Variants in TSPAN15 observed in about 807,000 individuals in gnomAD.
The protein encoded by TSPAN15 is tetraspanin-15.
Under a neutral mutation model 34.5 loss-of-function variants are expected in TSPAN15, and 20 were observed. The ratio of observed to expected loss-of-function variants is 0.58; its 90% CI spans 0.41 to 0.84. TSPAN15 has a LOEUF of 0.84. TSPAN15 is among the 40% of genes least tolerant of loss of function. The pLI, the probability that TSPAN15 is intolerant of heterozygous loss-of-function variation, is 0.00. For missense variants in TSPAN15, 313 were observed against 386.1 expected (o/e 0.81, Z 1.59); for synonymous variants, 155 against 153.9 (o/e 1.01, Z -0.05).
At chr10:69,472,456 G>A (rs1424462961) in intron 1 of TSPAN15, among the ~76,000 whole-genome samples, 1 of 152,132 alleles carries the variant, frequency 6.6e-6, no homozygotes, top group Non-Finnish European at 1.5e-5. Flanking sequence ...ACATGTGTTG[G>A]TGTGCTGGTA....
chr10:69,460,406 C>A (rs1227479926), intron 1 of TSPAN15, among the ~76,000 whole-genome samples: 2 of 152,168 alleles, frequency 1.3e-5, no homozygotes, highest in Non-Finnish European at 2.9e-5. Context: ...GGAAGAGACA[C>A]CGTAGAGACA....
chr10:69,545,851 G>T, the TSPAN15 span, among the ~76,000 whole-genome samples: 1 of 152,174 alleles, frequency 6.6e-6, no homozygotes, highest in Non-Finnish European at 1.5e-5. Flanking sequence ...AGCTACTCGG[G>T]AGGCTGAGGC....
At chr10:69,542,786 T>C in the TSPAN15 span, among the ~76,000 whole-genome samples, 1 of 152,202 alleles carries the variant, frequency 6.6e-6, no homozygotes, top group African/African-American at 2.4e-5. Flanking sequence ...GTCCCTCCTA[T>C]GTCATGTGAG....
At chr10:69,481,064 CA>C (rs1841724827) in intron 1 of TSPAN15, among the ~76,000 whole-genome samples, 1 of 152,074 alleles carries the variant, frequency 6.6e-6, no homozygotes, top group Non-Finnish European at 1.5e-5. Context: ...AGGCTGCCCC[CA>C]AACAGTGATT....
the TSPAN15 span, among the ~76,000 whole-genome samples, chr10:69,529,728 A>G: frequency 6.8e-6 from 1 of 147,242 alleles, no homozygotes; most frequent in African/African-American, 2.5e-5. Context: ...TTTGGGGAAC[A>G]GGTGGTTTTT....
the TSPAN15 span, among the ~76,000 whole-genome samples, chr10:69,543,848 T>A: frequency 9.9e-5 from 2 of 20,162 alleles, no homozygotes; most frequent in Admixed American, 4.6e-4. Flanking sequence ...AAGGGGAGTG[T>A]GTGTGTGTGT....
chr10:69,459,254 A>G (rs562336764), intron 1 of TSPAN15, among the ~76,000 whole-genome samples: 1 of 152,288 alleles, frequency 6.6e-6, no homozygotes, highest in East Asian at 1.9e-4. Context: ...TTGTTCATTA[A>G]GTCAACAAAT....
At chr10:69,457,420 C>A (rs1841137338) in intron 1 of TSPAN15, among the ~76,000 whole-genome samples, 1 of 152,192 alleles carries the variant, frequency 6.6e-6, no homozygotes, top group South Asian at 2.1e-4. Context: ...GTGCTACGGA[C>A]TCTCCACAGA....
intron 1 of TSPAN15, among the ~76,000 whole-genome samples, chr10:69,459,930 CA>C (rs1841209749): frequency 6.9e-6 from 1 of 144,082 alleles, no homozygotes; most frequent in African/African-American, 2.6e-5. Context: ...ACCCCCCCCC[CA>C]CGAATGGAGG....
chr10:69,465,685 TG>T (rs1841368294), intron 1 of TSPAN15, among the ~76,000 whole-genome samples: 1 of 152,038 alleles, frequency 6.6e-6, no homozygotes, highest in Non-Finnish European at 1.5e-5. Flanking sequence ...GAGCTAGAGG[TG>T]GGGTGTGAAG....
chr10:69,540,444 C>T, the TSPAN15 span, among the ~76,000 whole-genome samples: 3 of 152,116 alleles, frequency 2.0e-5, no homozygotes, highest in African/African-American at 7.2e-5. Context: ...GGGAAATAGT[C>T]GTTTGGCCAC....
At chr10:69,530,816 CTCTCTATATATATATATATATATATA>C in the TSPAN15 span, among the ~76,000 whole-genome samples, 10 of 52,418 alleles carry the variant, frequency 1.9e-4, no homozygotes, top group African/African-American at 7.6e-4. Context: ...CTCTCTCTCT[CTCTCTATATATATATATATATATATA>C]TATATATATA....
the TSPAN15 span, among the ~76,000 whole-genome samples, chr10:69,532,266 C>T: frequency 6.6e-6 from 1 of 152,344 alleles, no homozygotes; most frequent in Middle Eastern, 3.4e-3. Flanking sequence ...ATCACACTAC[C>T]TGATTTCAAA....
chr10:69,523,358 G>T, the TSPAN15 span: 3,246 of 562,844 alleles, frequency 5.8e-3, 252 homozygotes, highest in African/African-American at 0.057. Flanking sequence ...CCTCCCACAG[G>T]GGCCAAAGTC....
the TSPAN15 span, among the ~76,000 whole-genome samples, chr10:69,522,818 T>A: frequency 6.8e-6 from 1 of 147,962 alleles, no homozygotes; most frequent in Non-Finnish European, 1.5e-5. Flanking sequence ...GCCAAAAAGG[T>A]TGGGGACCGC....
At chr10:69,542,874 T>G in the TSPAN15 span, among the ~76,000 whole-genome samples, 1 of 152,162 alleles carries the variant, frequency 6.6e-6, no homozygotes, top group Non-Finnish European at 1.5e-5. Context: ...ATCTAACAAT[T>G]AAGATACACA....
chr10:69,529,353 C>G, the TSPAN15 span, among the ~76,000 whole-genome samples: 2 of 147,782 alleles, frequency 1.4e-5, no homozygotes, highest in African/African-American at 4.9e-5. Flanking sequence ...AGCAGCTGGC[C>G]CAGCCATCTG....
chr10:69,462,887 A>G (rs1268079926), intron 1 of TSPAN15, among the ~76,000 whole-genome samples: 2 of 152,188 alleles, frequency 1.3e-5, no homozygotes, highest in Non-Finnish European at 2.9e-5. Flanking sequence ...CACTCTAGCC[A>G]GGGGTTTGGG....
chr10:69,546,170 T>C, the TSPAN15 span, among the ~76,000 whole-genome samples: 1 of 152,220 alleles, frequency 6.6e-6, no homozygotes, highest in Non-Finnish European at 1.5e-5. Context: ...TGGACTCTTC[T>C]AACCTCTCTG....
Sources: gnomAD v4.1 joint callset for allele counts (sites outside exome capture counted in the v4.1 genomes callset) on GRCh38, gnomAD v4.1.1 for gene constraint, MANE v1.5 for transcripts, NCBI Gene and HGNC (gene_info 2026-07-23, HGNC 2026-07-21) for gene names.